Variants in NUP37 observed in about 807,000 individuals in gnomAD.
The protein encoded by NUP37 is nucleoporin 37, also known as nucleoporin Nup37.
A neutral mutation model predicts 45.4 loss-of-function variants in NUP37; 33 were observed. The observed-to-expected ratio is 0.73, with a 90% CI of 0.55 to 0.97. The LOEUF is 0.97. Ranked by LOEUF, NUP37 falls within the 50% of genes least tolerant of loss-of-function variation. The pLI, the probability that NUP37 is intolerant of heterozygous loss-of-function variation, is 0.00. For synonymous variants in NUP37, 127 were observed against 130.7 expected (o/e 0.97, Z 0.19); for missense variants, 365 against 389.7 (o/e 0.94, Z 0.53).
At chr12:102,094,739 A>C (rs1399402364) in intron 5 of NUP37, among the ~76,000 whole-genome samples, 1 of 152,092 alleles carries the variant, frequency 6.6e-6, no homozygotes, top group Non-Finnish European at 1.5e-5. Context: ...CTAATATCTT[A>C]TTCTTTATTT....
intron 1 of NUP37, chr12:102,119,056 G>A (rs1880601402): frequency 6.6e-6 from 1 of 152,358 alleles, no homozygotes; most frequent in Non-Finnish European, 1.5e-5. Flanking sequence ...AACTTGCCAA[G>A]CTCATAAGCA....
In NUP37 at chr12:102,085,791, C is replaced by G. The variant is rs777788189; in HGVS notation, c.515G>C (p.Cys172Ser). The stretch of plus-strand genomic sequence containing the variant: ...CTTAAAAGTCTCCTCAGGATGCCAG[C>G]ACACACTCATGCCAGGAGAATGAAG... ...FVLHSPGMSV[C>S]WHPEETFKLM... The change falls in exon 6 of 10, where the codon TGC becomes TCC. Residue 172 changes from cysteine to serine, a missense_variant. Transcript: ENST00000552283. The G allele has an allele frequency of 1.3e-6, 2 of 1,591,944 alleles. No homozygotes were observed. The highest frequency in any genetic ancestry group is 1.7e-6 in the Non-Finnish European group (2 of 1,162,488).
In NUP37 at chr12:102,118,438, A is replaced by G; in HGVS notation, c.81T>C (p.Phe27=). ...TTAGGTTTCCTGAATCCCCATTCTC[A>G]AAGGGATTAAATTCTACCACATGCA... The part of the protein sequence containing the change: ...DYVHVVEFNP[F]ENGDSGNLIA... Residue 27 remains phenylalanine, a synonymous_variant, in exon 2 of 10, where the codon TTT becomes TTC. Transcript: ENST00000552283. 6.2e-7 allele frequency: 1 copy of G among 1,614,052 alleles called. No individual in the cohort carries two copies. The highest frequency in any genetic ancestry group is 8.5e-7 in the Non-Finnish European group (1 of 1,179,996).
chr12:102,079,945 T>C (rs558253667), intron 6 of NUP37, among the ~76,000 whole-genome samples: 1 of 152,292 alleles, frequency 6.6e-6, no homozygotes, highest in Non-Finnish European at 1.5e-5. Flanking sequence ...ACTAAAGAAG[T>C]GCTATGAGCA....
intron 6 of NUP37, among the ~76,000 whole-genome samples, chr12:102,081,941 A>T (rs1436371919): frequency 6.6e-6 from 1 of 151,760 alleles, no homozygotes; most frequent in Non-Finnish European, 1.5e-5. Context: ...CAAGTGATCC[A>T]CCTGTCTCGG....
chr12:102,074,475 A>G lies in NUP37; in HGVS notation c.868-8T>C, dbSNP rs762962992. On this transcript the variant is annotated splice_region_variant and splice_polypyrimidine_tract_variant and intron_variant, in intron 9 of 9. Transcript: ENST00000552283. Reference sequence around the variant, plus strand: ...AGAACCCATGAGGATGGGCTATAAAATATGTGAAGAATTAAAGAAGCACAG... The same window carrying G: ...AGAACCCATGAGGATGGGCTATAAAGTATGTGAAGAATTAAAGAAGCACAG... 2 of 1,541,806 alleles carry G rather than the reference A, an allele frequency of 1.3e-6. No homozygotes were observed. Among genetic ancestry groups the G allele is most frequent in the East Asian group, 4.5e-5 (2 of 44,218 alleles).
intron 2 of NUP37, among the ~76,000 whole-genome samples, chr12:102,113,094 GA>G (rs1291451155): frequency 1.3e-5 from 2 of 152,180 alleles, no homozygotes; most frequent in Non-Finnish European, 2.9e-5. Context: ...ACAATAACCT[GA>G]AAAGTTCTCC....
intron 2 of NUP37, 44 bp from the exon 3 acceptor site, chr12:102,112,276 C>G (rs1209772850): frequency 4.0e-6 from 6 of 1,499,570 alleles, no homozygotes; most frequent in Non-Finnish European, 5.5e-6. Flanking sequence ...TGAGAACAAA[C>G]AATATAATAT....
In NUP37 at chr12:102,118,359, T is replaced by A; in HGVS notation, c.156+4A>T. 1 of 1,610,558 alleles carries A rather than the reference T, an allele frequency of 6.2e-7. No homozygotes were observed. The highest frequency in any genetic ancestry group is 2.2e-5 in the East Asian group (1 of 44,858). On this transcript the variant is annotated splice_donor_region_variant and intron_variant, in intron 2 of 9. Transcript: ENST00000552283. ...TGTCATTCGGTGCAGTTTTGTAGAC[T>A]AACCTGAAACGTACACGTGCCAATG...
intron 5 of NUP37, among the ~76,000 whole-genome samples, chr12:102,098,024 T>C (rs377021872): frequency 4.5e-4 from 68 of 152,234 alleles, no homozygotes; most frequent in African/African-American, 5.8e-4. Flanking sequence ...TAGTTTTATA[T>C]GTACATAAGT....
chr12:102,083,409 A>G (rs10778171), intron 6 of NUP37, among the ~76,000 whole-genome samples: 1 of 152,132 alleles, frequency 6.6e-6, no homozygotes. Context: ...GAAAGACTCA[A>G]TGGGCCTGGA....
rs757069966 is a variant in NUP37, at chr12:102,118,356, G to T, written c.156+7C>A. 45 of 1,609,534 alleles carry T rather than the reference G, an allele frequency of 2.8e-5. No individual in the cohort carries two copies. In the East Asian group the frequency reaches 6.0e-4, roughly 22 times the overall value. ...CACTGTCATTCGGTGCAGTTTTGTA[G>T]ACTAACCTGAAACGTACACGTGCCA... is the stretch of plus-strand genomic sequence containing the variant. On this transcript the variant is annotated splice_region_variant and intron_variant, in intron 2 of 9. Transcript: ENST00000552283.
chr12:102,116,257 A>C (rs556194278), intron 2 of NUP37, among the ~76,000 whole-genome samples: 13 of 152,284 alleles, frequency 8.5e-5, no homozygotes, highest in African/African-American at 2.2e-4. Flanking sequence ...AACATTTCTT[A>C]ATCATAAATG....
At chr12:102,088,335 T>G (rs147298033) in intron 5 of NUP37, among the ~76,000 whole-genome samples, 1 of 152,208 alleles carries the variant, frequency 6.6e-6, no homozygotes, top group Non-Finnish European at 1.5e-5. Context: ...TAGTCACTTT[T>G]TTTTGGGTAA....
intron 6 of NUP37, 86 bp downstream of exon 6, chr12:102,085,680 T>C (rs1879447582): frequency 1.3e-5 from 8 of 597,044 alleles, no homozygotes; most frequent in South Asian, 5.3e-5. Context: ...GGAAAAATCA[T>C]TGATCTTCCT....
At chr12:102,094,126 A>G (rs1163467025) in intron 5 of NUP37, among the ~76,000 whole-genome samples, 2 of 152,140 alleles carry the variant, frequency 1.3e-5, no homozygotes, top group Non-Finnish European at 2.9e-5. Flanking sequence ...TTTTAACGAC[A>G]AAGAATCTCT....
intron 3 of NUP37, among the ~76,000 whole-genome samples, chr12:102,105,981 A>G (rs566943718): frequency 6.6e-6 from 1 of 152,250 alleles, no homozygotes; most frequent in South Asian, 2.1e-4. Context: ...ATTAAAGGAT[A>G]CTAAGATGAT....
At chr12:102,106,921 A>C (rs997973532) in intron 3 of NUP37, among the ~76,000 whole-genome samples, 1 of 152,196 alleles carries the variant, frequency 6.6e-6, no homozygotes, top group African/African-American at 2.4e-5. Context: ...GATAGCATAA[A>C]GGAACTAAAA....
intron 1 of NUP37, chr12:102,118,864 G>A: frequency 5.0e-6 from 1 of 200,984 alleles, no homozygotes; most frequent in Non-Finnish European, 1.0e-5. Flanking sequence ...ATCTGAAGAT[G>A]GAATCATTTT....
Sources: allele counts gnomAD v4.1 joint callset (sites outside exome capture counted in the v4.1 genomes callset), GRCh38; gene constraint gnomAD v4.1.1; transcripts MANE v1.5; gene names NCBI Gene and HGNC (gene_info 2026-07-23, HGNC 2026-07-21).